SYT16: variants seen among roughly 807,000 people sequenced by gnomAD.
SYT16 encodes the protein synaptotagmin-16.
A neutral mutation model predicts 61.4 loss-of-function variants in SYT16; 42 were observed. The ratio of observed to expected loss-of-function variants is 0.68; its 90% CI spans 0.53 to 0.89. The LOEUF (loss-of-function observed/expected upper bound fraction) is 0.89. Among genes scored for constraint, SYT16 ranks in the 40% least tolerant of loss-of-function variants. The probability of loss-of-function intolerance (pLI) is 0.00; values close to 1 mark genes in which losing one functional copy is unlikely to be tolerated. For synonymous variants in SYT16, 314 were observed against 302.3 expected (o/e 1.04, Z -0.40); for missense variants, 804 against 807.3 (o/e 1.00, Z 0.05).
At chr14:61,934,355 A>C (rs898417310) in intron 1 of SYT16, among the ~76,000 whole-genome samples, 8 of 152,200 alleles carry the variant, frequency 5.3e-5, no homozygotes, top group African/African-American at 1.9e-4. Context: ...AATCATCTCA[A>C]GTTTCTTTTT....
chr14:61,877,691 C>G (rs143512597), intron 1 of SYT16, among the ~76,000 whole-genome samples: 13 of 152,290 alleles, frequency 8.5e-5, no homozygotes, highest in Admixed American at 2.6e-4. Context: ...GAGTTGAGAG[C>G]TTGCCCTGTG....
chr14:62,025,172 T>C (rs2140776824), intron 3 of SYT16, among the ~76,000 whole-genome samples: 1 of 152,258 alleles, frequency 6.6e-6, no homozygotes, highest in South Asian at 2.1e-4. Context: ...TATAGTGAAA[T>C]CTTAGTTTTG....
At chr14:61,970,965 C>T (rs1460482606) in intron 2 of SYT16, among the ~76,000 whole-genome samples, 2 of 150,882 alleles carry the variant, frequency 1.3e-5, no homozygotes. Flanking sequence ...CTGATTATTA[C>T]TCTCCTTTTC....
intron 1 of SYT16, among the ~76,000 whole-genome samples, chr14:61,889,396 C>T (rs2048034429): frequency 2.0e-5 from 3 of 152,106 alleles, no homozygotes; most frequent in Admixed American, 6.5e-5. Context: ...TCCCCCTAAA[C>T]CTCATGTTGA....
intron 3 of SYT16, among the ~76,000 whole-genome samples, chr14:62,035,798 C>T (rs534160557): frequency 5.9e-5 from 9 of 152,290 alleles, no homozygotes; most frequent in African/African-American, 2.2e-4. Context: ...TTGATTCATT[C>T]AACAGATCCG....
chr14:61,849,076 T>G (rs2046530642), intron 1 of SYT16, among the ~76,000 whole-genome samples: 1 of 152,186 alleles, frequency 6.6e-6, no homozygotes, highest in Non-Finnish European at 1.5e-5. Flanking sequence ...CAGGCTCCCT[T>G]CTGGCCCAAG....
chr14:61,881,785 C>G (rs2047708936), intron 1 of SYT16, among the ~76,000 whole-genome samples: 1 of 152,184 alleles, frequency 6.6e-6, no homozygotes, highest in African/African-American at 2.4e-5. Flanking sequence ...ACGGGTACCT[C>G]AACTTCAACA....
intron 1 of SYT16, among the ~76,000 whole-genome samples, chr14:61,826,447 ATTTTC>A (rs1440153463): frequency 2.6e-5 from 4 of 151,888 alleles, no homozygotes. Flanking sequence ...GGGCCCAGTA[ATTTTC>A]TTTACAGATG....
chr14:62,069,224 T>C (rs2056194076), intron 3 of SYT16, among the ~76,000 whole-genome samples: 1 of 152,236 alleles, frequency 6.6e-6, no homozygotes, highest in Admixed American at 6.5e-5. Context: ...CATCCCATGG[T>C]CATTGACTAG....
chr14:61,991,965 C>G (rs1354904970), intron 2 of SYT16, among the ~76,000 whole-genome samples: 1 of 151,944 alleles, frequency 6.6e-6, no homozygotes, highest in Admixed American at 6.6e-5. Flanking sequence ...TTCATTCATT[C>G]ATTCATTCAT....
intron 3 of SYT16, among the ~76,000 whole-genome samples, chr14:62,003,615 A>G (rs566609776): frequency 1.1e-4 from 16 of 152,158 alleles, no homozygotes; most frequent in African/African-American, 3.9e-4. Flanking sequence ...ATTATTTCCA[A>G]CTGTCTACAT....
chr14:62,044,326 C>T (rs1000389611), intron 3 of SYT16, among the ~76,000 whole-genome samples: 4 of 152,070 alleles, frequency 2.6e-5, no homozygotes, highest in African/African-American at 7.2e-5. Flanking sequence ...GATACATGTG[C>T]AGAATGTGCA....
At chr14:61,819,972 G>A (rs768626039) in intron 1 of SYT16, among the ~76,000 whole-genome samples, 10 of 152,200 alleles carry the variant, frequency 6.6e-5, no homozygotes, top group African/African-American at 1.9e-4. Flanking sequence ...TTCCAATGGC[G>A]TGTACCTCCC....
chr14:62,039,853 ACACACACACACACACACACACACACG>A (rs1201260714), intron 3 of SYT16, among the ~76,000 whole-genome samples: 6 of 133,198 alleles, frequency 4.5e-5, no homozygotes, highest in Admixed American at 1.5e-4. Flanking sequence ...ACACACACAC[ACACACACACACACACACACACACACG>A]CACATACACA....
intron 1 of SYT16, among the ~76,000 whole-genome samples, chr14:61,965,415 A>G (rs180887988): frequency 6.6e-6 from 1 of 152,308 alleles, no homozygotes; most frequent in East Asian, 1.9e-4. Context: ...CGGAAGAAAC[A>G]TGAACTCTTT....
chr14:62,073,077 A>G (rs1319540480), intron 4 of SYT16, among the ~76,000 whole-genome samples: 2 of 152,086 alleles, frequency 1.3e-5, no homozygotes, highest in East Asian at 1.9e-4. Flanking sequence ...CCTCCTCGCA[A>G]CTTGACTTGT....
chr14:62,100,996 G>C lies in SYT16; in HGVS notation c.*289G>C. ...AATAGATCATTGAGTTTTAGTTCAGGGTATGGGGTGAAGCTTCTTCTGCTG... is the reference window on the plus strand; with the variant it reads ...AATAGATCATTGAGTTTTAGTTCAGCGTATGGGGTGAAGCTTCTTCTGCTG... On this transcript the variant is annotated 3_prime_UTR_variant, in exon 8 of 8. Coordinates refer to ENST00000683842, the MANE Select transcript of SYT16 (RefSeq NM_001367656.1). 3.5e-6 allele frequency: 1 copy of C among 283,414 alleles called. No homozygotes were observed. The highest frequency in any genetic ancestry group is 7.3e-5 in the East Asian group (1 of 13,770). 17.6% of individuals were successfully genotyped at this position (283,414 alleles called of 1,614,324 possible).
intron 1 of SYT16, among the ~76,000 whole-genome samples, chr14:61,884,449 G>A (rs1374163708): frequency 1.3e-5 from 2 of 152,140 alleles, no homozygotes; most frequent in African/African-American, 4.8e-5. Flanking sequence ...TATTACTAAA[G>A]GCACTGTGCT....
intron 1 of SYT16, among the ~76,000 whole-genome samples, chr14:61,833,814 C>T (rs1446759491): frequency 1.3e-5 from 2 of 148,610 alleles, no homozygotes; most frequent in African/African-American, 4.9e-5. Context: ...TGTACAGTTT[C>T]CTTTTTACTT....
Sources: allele counts gnomAD v4.1 joint callset (sites outside exome capture counted in the v4.1 genomes callset), GRCh38; gene constraint gnomAD v4.1.1; transcripts MANE v1.5; gene names NCBI Gene and HGNC (gene_info 2026-07-23, HGNC 2026-07-21).